Variants in CHN1 observed in about 807,000 individuals in gnomAD.
CHN1 encodes chimerin 1.
A neutral mutation model predicts 59.5 loss-of-function variants in CHN1; 37 were observed. The observed-to-expected ratio is 0.62, with a 90% CI of 0.48 to 0.82. The LOEUF (loss-of-function observed/expected upper bound fraction) is 0.82. CHN1 is among the 40% of genes least tolerant of loss of function. The pLI, the probability that CHN1 is intolerant of heterozygous loss-of-function variation, is 0.00. For synonymous variants in CHN1, 206 were observed against 200.4 expected, an observed-to-expected ratio of 1.03 and a Z score of -0.24; for missense variants, 469 against 571.0, an observed-to-expected ratio of 0.82 and a Z score of 1.82.
At chr2:175,000,928 A>G (rs1337097712) in intron 1 of CHN1, among the ~76,000 whole-genome samples, 1 of 152,116 alleles carries the variant, frequency 6.6e-6, no homozygotes, top group Non-Finnish European at 1.5e-5. Context: ...TCTTTTAGAG[A>G]CAGGGTCTTG....
intron 3 of CHN1, among the ~76,000 whole-genome samples, chr2:174,924,848 TTAA>T (rs961389916): frequency 3.3e-5 from 5 of 152,166 alleles, no homozygotes; most frequent in East Asian, 3.8e-4. Context: ...GTTTTATAAA[TTAA>T]TAATAATAGG....
intron 6 of CHN1, among the ~76,000 whole-genome samples, chr2:174,870,507 T>C (rs373039938): frequency 5.9e-5 from 9 of 152,276 alleles, no homozygotes; most frequent in African/African-American, 2.2e-4. Context: ...GAAAATACGA[T>C]GGAGCAAAAC....
chr2:174,924,486 G>A (rs1689112891), intron 3 of CHN1, among the ~76,000 whole-genome samples: 2 of 152,122 alleles, frequency 1.3e-5, no homozygotes, highest in Non-Finnish European at 2.9e-5. Context: ...CTCTCCATGT[G>A]CATGTGAAAT....
intron 4 of CHN1, among the ~76,000 whole-genome samples, chr2:174,916,551 C>A (rs978854700): frequency 6.6e-6 from 1 of 152,102 alleles, no homozygotes; most frequent in African/African-American, 2.4e-5. Flanking sequence ...ATTTAAAAGG[C>A]GTTGAAATGG....
chr2:174,857,713 T>C lies in CHN1; in HGVS notation c.550-10756A>G, dbSNP rs997106494. Among the ~76,000 whole-genome samples, 3 of 152,248 alleles carry C rather than the reference T, an allele frequency of 2.0e-5. No homozygotes were observed. In the South Asian group the frequency reaches 6.2e-4, roughly 32 times the overall value. On this transcript the variant is annotated intron_variant, in intron 6 of 12. Transcript: ENST00000409900. Reference sequence around the variant, plus strand: ...AACCCCCATGAATCTGAGGGGATACTTGGGGAAATGTGCCATTACATTTTT... The same window carrying C: ...AACCCCCATGAATCTGAGGGGATACCTGGGGAAATGTGCCATTACATTTTT...
At chr2:174,910,618 C>T (rs1688666974) in intron 5 of CHN1, among the ~76,000 whole-genome samples, 1 of 151,896 alleles carries the variant, frequency 6.6e-6, no homozygotes, top group African/African-American at 2.4e-5. Context: ...GCAATCCCCC[C>T]AAAAATAAAA....
chr2:174,971,313 G>A (rs116540776), intron 1 of CHN1, among the ~76,000 whole-genome samples: 5,899 of 152,032 alleles, frequency 0.039, 167 homozygotes, highest in Middle Eastern at 0.072. Context: ...GCGTGACTCC[G>A]TCTCTTAAAA....
At chr2:174,841,422 G>A (rs1285003540) in intron 7 of CHN1, among the ~76,000 whole-genome samples, 1 of 152,276 alleles carries the variant, frequency 6.6e-6, no homozygotes, top group Middle Eastern at 3.4e-3. Context: ...ACTATAATAG[G>A]CAGCAACAGA....
At chr2:174,983,383 G>A (rs1691223909) in intron 1 of CHN1, among the ~76,000 whole-genome samples, 1 of 152,080 alleles carries the variant, frequency 6.6e-6, no homozygotes, top group Non-Finnish European at 1.5e-5. Context: ...TAAGTGTGAG[G>A]GGGATGTGAT....
At chr2:174,984,618 T>C (rs1488440866) in intron 1 of CHN1, among the ~76,000 whole-genome samples, 1 of 152,148 alleles carries the variant, frequency 6.6e-6, no homozygotes, top group Admixed American at 6.5e-5. Flanking sequence ...CTGCCTGCCT[T>C]GGCCTCCCAA....
At chr2:174,907,042 T>C (rs1427335389) in intron 5 of CHN1, among the ~76,000 whole-genome samples, 1 of 152,090 alleles carries the variant, frequency 6.6e-6, no homozygotes, top group Non-Finnish European at 1.5e-5. Context: ...TGAGAAATAA[T>C]AACTCAAAGG....
At chr2:174,978,565 C>G (rs1323040350) in intron 1 of CHN1, among the ~76,000 whole-genome samples, 1 of 152,174 alleles carries the variant, frequency 6.6e-6, no homozygotes, top group Non-Finnish European at 1.5e-5. Context: ...GGTAATGGCT[C>G]ATACTTTGCC....
At chr2:174,801,654 G>T (rs1387002232) in intron 12 of CHN1, 53 bp downstream of exon 12, 13 of 1,237,370 alleles carry the variant, frequency 1.1e-5, no homozygotes, top group Admixed American at 7.3e-5. Context: ...ATTTCATTTT[G>T]TCCTTAAAAT....
intron 7 of CHN1, among the ~76,000 whole-genome samples, chr2:174,828,056 T>C (rs1488157637): frequency 6.6e-6 from 1 of 152,078 alleles, no homozygotes; most frequent in Non-Finnish European, 1.5e-5. Flanking sequence ...TTCCCTGAGT[T>C]GGGAGGGAAG....
At chr2:174,902,086 T>C (rs1688402825) in intron 5 of CHN1, among the ~76,000 whole-genome samples, 3 of 152,202 alleles carry the variant, frequency 2.0e-5, no homozygotes, top group African/African-American at 4.8e-5. Flanking sequence ...TATTTCTGGA[T>C]AGTAGAATTG....
intron 1 of CHN1, among the ~76,000 whole-genome samples, chr2:174,958,066 G>A (rs184399592): frequency 4.2e-4 from 64 of 152,064 alleles, no homozygotes; most frequent in African/African-American, 1.5e-3. Context: ...TGGAGGCTGA[G>A]GCAGGAGGAC....
chr2:174,824,183 C>A (rs1469817501), intron 8 of CHN1, among the ~76,000 whole-genome samples: 1 of 152,136 alleles, frequency 6.6e-6, no homozygotes, highest in Admixed American at 6.5e-5. Flanking sequence ...ACTTTTTGAA[C>A]AAGCTGACTT....
At chr2:174,889,860 T>C (rs1687995058) in intron 5 of CHN1, among the ~76,000 whole-genome samples, 1 of 151,906 alleles carries the variant, frequency 6.6e-6, no homozygotes, top group Non-Finnish European at 1.5e-5. Context: ...GCTTGAAGAA[T>C]TCTAACCAGA....
intron 1 of CHN1, among the ~76,000 whole-genome samples, chr2:174,996,328 A>C (rs1691706281): frequency 6.6e-6 from 1 of 152,222 alleles, no homozygotes; most frequent in African/African-American, 2.4e-5. Context: ...ACAAAGTAGA[A>C]ATATTACAAA....
Sources: allele counts gnomAD v4.1 joint callset (sites outside exome capture counted in the v4.1 genomes callset), GRCh38; gene constraint gnomAD v4.1.1; transcripts MANE v1.5; gene names NCBI Gene and HGNC (gene_info 2026-07-23, HGNC 2026-07-21).